Variants in GRID1 observed in about 807,000 individuals in gnomAD.
The protein encoded by GRID1 is glutamate ionotropic receptor delta type subunit 1.
A neutral mutation model predicts 98.0 loss-of-function variants in GRID1; 28 were observed. The ratio of observed to expected loss-of-function variants is 0.29; its 90% CI spans 0.21 to 0.39. The LOEUF (loss-of-function observed/expected upper bound fraction) is 0.39. Among genes scored for constraint, GRID1 ranks in the 10% least tolerant of loss-of-function variants. The pLI, the probability that GRID1 is intolerant of heterozygous loss-of-function variation, is 1.00. For synonymous variants in GRID1, 553 were observed against 538.5 expected (o/e 1.03, Z -0.37); for missense variants, 1,111 against 1,340.5 (o/e 0.83, Z 2.67).
intron 4 of GRID1, among the ~76,000 whole-genome samples, chr10:86,082,655 A>G (rs1353303424): frequency 6.6e-6 from 1 of 152,158 alleles, no homozygotes; most frequent in East Asian, 1.9e-4. Context: ...AGGATAAAGC[A>G]CAGGCTCCTT....
At chr10:85,613,943 A>G (rs1309086677) in intron 14 of GRID1, among the ~76,000 whole-genome samples, 2 of 152,224 alleles carry the variant, frequency 1.3e-5, no homozygotes, top group Non-Finnish European at 2.9e-5. Flanking sequence ...GGCCCATTAC[A>G]TGGATTCTGT....
At chr10:86,261,669 G>A (rs1004432921) in intron 2 of GRID1, among the ~76,000 whole-genome samples, 15 of 152,172 alleles carry the variant, frequency 9.9e-5, no homozygotes, top group African/African-American at 7.2e-5. Context: ...AAAAGGCAGC[G>A]CAAGACAGAG....
chr10:86,206,896 G>A lies in GRID1; in HGVS notation c.236-248C>T, dbSNP rs768224536. Among the ~76,000 whole-genome samples, 3 of 152,170 alleles carry A rather than the reference G, an allele frequency of 2.0e-5. No individual in the cohort carries two copies. Among genetic ancestry groups the A allele is most frequent in the African/African-American group, 4.8e-5 (2 of 41,446 alleles). ...AACATGAGAAAATAGAAGTCAAAAC[G>A]GGCAAAACCATTTGCCCTAGGCTAG... On this transcript the variant is annotated intron_variant, in intron 2 of 15. Coordinates refer to ENST00000327946, the MANE Select transcript of GRID1 (RefSeq NM_017551.3). The surrounding 1 kb of genome is among the most constrained non-coding windows in gnomAD (Gnocchi z 4.1).
At chr10:85,721,482 GTA>G (rs1841702235) in intron 12 of GRID1, among the ~76,000 whole-genome samples, 1 of 152,158 alleles carries the variant, frequency 6.6e-6, no homozygotes, top group Non-Finnish European at 1.5e-5. Flanking sequence ...ACAAACTGTG[GTA>G]TATGTGATAT....
chr10:85,885,059 A>G lies in GRID1; in HGVS notation c.781-15879T>C, dbSNP rs1042847165. ...TATGAGAAATTGCTTCATGCACTAC[A>G]TAATAAAAAGAATCGCTGTCTCTAA... On this transcript the variant is annotated intron_variant, in intron 5 of 15. Coordinates refer to ENST00000327946, the MANE Select transcript of GRID1 (RefSeq NM_017551.3). 7.9e-5 allele frequency among the ~76,000 whole-genome samples: 12 copies of G among 152,336 alleles called. No homozygotes were observed. The East Asian group carries it at 1.3e-3, about 17-fold the overall frequency.
chr10:86,045,182 A>G (rs965843835), intron 4 of GRID1, among the ~76,000 whole-genome samples: 7 of 152,240 alleles, frequency 4.6e-5, no homozygotes, highest in Non-Finnish European at 7.3e-5. Context: ...TATTGCTTCC[A>G]GTTTCACATG....
At chr10:86,237,704 A>C (rs1846563096) in intron 2 of GRID1, among the ~76,000 whole-genome samples, 1 of 151,366 alleles carries the variant, frequency 6.6e-6, no homozygotes, top group Non-Finnish European at 1.5e-5. Context: ...TGTCTCAAAA[A>C]AAAAAAAAAA....
intron 3 of GRID1, among the ~76,000 whole-genome samples, chr10:86,190,516 T>C (rs937790866): frequency 6.6e-6 from 1 of 152,176 alleles, no homozygotes; most frequent in Non-Finnish European, 1.5e-5. Flanking sequence ...CTGACTGCAG[T>C]GGCAGTAGCC....
At chr10:85,636,953 G>T (rs942243587) in intron 13 of GRID1, among the ~76,000 whole-genome samples, 11 of 152,056 alleles carry the variant, frequency 7.2e-5, no homozygotes, top group African/African-American at 2.7e-4. Flanking sequence ...TCATTACAAT[G>T]TTATTTATAA....
intron 13 of GRID1, among the ~76,000 whole-genome samples, chr10:85,620,841 T>G (rs1428475704): frequency 1.3e-5 from 2 of 152,216 alleles, no homozygotes; most frequent in African/African-American, 4.8e-5. Flanking sequence ...TGTGCACATA[T>G]GCATGCACAC....
intron 8 of GRID1, among the ~76,000 whole-genome samples, chr10:85,771,115 T>A (rs868123842): frequency 1.7e-3 from 257 of 152,246 alleles, no homozygotes; most frequent in Non-Finnish European, 3.2e-3. Flanking sequence ...CAGACTAACA[T>A]CGGATCTCTC....
intron 12 of GRID1, among the ~76,000 whole-genome samples, chr10:85,677,683 G>A (rs1841160189): frequency 6.6e-6 from 1 of 152,184 alleles, no homozygotes. Flanking sequence ...TAGTTAGATG[G>A]GACCTTCCCT....
chr10:85,866,660 G>A (rs1843224680), intron 6 of GRID1, among the ~76,000 whole-genome samples: 1 of 152,094 alleles, frequency 6.6e-6, no homozygotes, highest in Non-Finnish European at 1.5e-5. Flanking sequence ...TGAACTGAAT[G>A]CTTTCCGTAT....
chr10:85,825,539 AT>A (rs1429861357), intron 8 of GRID1, among the ~76,000 whole-genome samples: 2 of 152,146 alleles, frequency 1.3e-5, no homozygotes, highest in African/African-American at 4.8e-5. Context: ...GAATTTAATT[AT>A]GTTAAAATAG....
intron 8 of GRID1, among the ~76,000 whole-genome samples, chr10:85,842,005 T>C (rs1842965359): frequency 6.6e-6 from 1 of 152,008 alleles, no homozygotes; most frequent in African/African-American, 2.4e-5. Flanking sequence ...AATTGTCCTA[T>C]TGTAAAAACA....
intron 4 of GRID1, among the ~76,000 whole-genome samples, chr10:85,997,130 G>T (rs928974438): frequency 2.6e-5 from 4 of 152,174 alleles, no homozygotes; most frequent in African/African-American, 9.6e-5. Context: ...AGCTGGGAAT[G>T]GTGGCTCACG....
chr10:85,978,315 G>T (rs1289490979), intron 4 of GRID1, among the ~76,000 whole-genome samples: 1 of 152,160 alleles, frequency 6.6e-6, no homozygotes, highest in Non-Finnish European at 1.5e-5. Context: ...TGTTGCCCAA[G>T]CCGAAAAACA....
At chr10:86,335,104 C>T (rs1848204914) in intron 2 of GRID1, among the ~76,000 whole-genome samples, 1 of 152,260 alleles carries the variant, frequency 6.6e-6, no homozygotes, top group Admixed American at 6.5e-5. Context: ...TAAAATTAAA[C>T]TCACTTAGAC....
intron 2 of GRID1, among the ~76,000 whole-genome samples, chr10:86,245,561 T>A (rs2132045093): frequency 6.6e-6 from 1 of 151,952 alleles, no homozygotes; most frequent in South Asian, 2.1e-4. Context: ...CTTTACTCCA[T>A]TCCTCCTCTA....
Sources: gnomAD v4.1 joint callset for allele counts (sites outside exome capture counted in the v4.1 genomes callset) on GRCh38, gnomAD v4.1.1 for gene constraint, Gnocchi (gnomAD v3.1) non-coding constraint, MANE v1.5 for transcripts, NCBI Gene and HGNC (gene_info 2026-07-23, HGNC 2026-07-21) for gene names.